The following WNT16 variants were observed in gnomAD, a reference collection of about 807,000 sequenced individuals.
The protein encoded by WNT16 is Wnt family member 16.
In WNT16, 20 loss-of-function variants were observed where a neutral mutation model predicts 35.4. The ratio of observed to expected loss-of-function variants is 0.56; its 90% CI spans 0.40 to 0.82. The LOEUF is 0.82. WNT16 is among the 40% of genes least tolerant of loss of function. The pLI is 0.00. For missense variants in WNT16, 461 were observed against 466.0 expected (o/e 0.99, Z 0.10); for synonymous variants, 180 against 179.2 (o/e 1.00, Z -0.03).
rs1354798490 is a variant in WNT16, at chr7:121,331,832, C to T, written c.501C>T (p.Gly167=). The change falls in exon 3 of 4, where the codon GGC becomes GGT. Residue 167 remains glycine, a synonymous_variant. Coordinates refer to ENST00000222462, the MANE Select transcript of WNT16 (RefSeq NM_057168.2). ...CAAGTGAAGGCTGGCACTGGGGGGG[C>T]TGCTCCGATGATGTCCAGTATGGCA... ...GSASEGWHWG[G]CSDDVQYGMW... is the part of the protein sequence containing the mutation. The T allele has an allele frequency of 6.2e-7, 1 of 1,614,128 alleles. No individual in the cohort carries two copies.
chr7:121,339,506 CT>C lies in WNT16; in HGVS notation c.*164del. ...TCCCTTACCTGATCGACATATTTTCCTTTATCTGATCAACCCATCAATCATG... is the reference window on the plus strand; with the variant it reads ...TCCCTTACCTGATCGACATATTTTCCTTATCTGATCAACCCATCAATCATG... On this transcript the variant is annotated 3_prime_UTR_variant, in exon 4 of 4. Transcript: ENST00000222462. 1.6e-6 allele frequency: 1 copy of C among 620,348 alleles called. No individual in the cohort carries two copies. Among genetic ancestry groups the C allele is most frequent in the Non-Finnish European group, 2.7e-6 (1 of 364,488 alleles). The allele number at this position is 620,348 out of a possible 1,614,324, so 38.4% of individuals were successfully genotyped here. A position where few individuals can be genotyped will look rare whatever the true frequency, so the allele number is the denominator to read the frequency against.
At chr7:121,334,711 A>G (rs3801387) in intron 3 of WNT16, among the ~76,000 whole-genome samples, 43,970 of 151,950 alleles carry the variant, frequency 0.29, 6,673 homozygotes, top group African/African-American at 0.37. Flanking sequence ...TTCTGACACC[A>G]TTCCTAAACT....
chr7:121,331,148 C>A (rs1793339637), intron 2 of WNT16, among the ~76,000 whole-genome samples: 1 of 152,152 alleles, frequency 6.6e-6, no homozygotes, highest in South Asian at 2.1e-4. Flanking sequence ...GTACCGTTTA[C>A]TAATTGCTTT....
At chr7:121,330,564 C>T (rs900034052) in intron 2 of WNT16, among the ~76,000 whole-genome samples, 3 of 152,088 alleles carry the variant, frequency 2.0e-5, no homozygotes, top group Non-Finnish European at 4.4e-5. Flanking sequence ...CTGAAGGATG[C>T]GCTGTCGTTT....
upstream of WNT16, among the ~76,000 whole-genome samples, chr7:121,328,251 G>A (rs1379623404): frequency 6.6e-6 from 1 of 152,176 alleles, no homozygotes; most frequent in Admixed American, 6.5e-5. Flanking sequence ...TAGGACTGGA[G>A]AAAAAGATCA....
At position 121,331,501 on chromosome 7, in the gene WNT16, C is replaced by T. The variant is rs1002998836; in HGVS notation, c.347-177C>T. On this transcript the variant is annotated intron_variant, in intron 2 of 3. Transcript: ENST00000222462. The stretch of plus-strand genomic sequence containing the variant: ...AGTGGAATACTGAAAATTAATGTTG[C>T]TTTTTAAGAGACTAGAACAAGAGCA... 1.8e-4 allele frequency among the ~76,000 whole-genome samples: 27 copies of T among 152,092 alleles called. 1 individual carries two copies. Among genetic ancestry groups the T allele is most frequent in the Non-Finnish European group, 2.9e-4 (20 of 68,010 alleles).
chr7:121,328,509 A>G (rs756750473), upstream of WNT16, among the ~76,000 whole-genome samples: 13 of 152,170 alleles, frequency 8.5e-5, no homozygotes, highest in African/African-American at 2.2e-4. Context: ...CCCACTCTCT[A>G]AAGTCTCCTG....
chr7:121,330,714 GAAAAAAAAAA>G (rs11371537), intron 2 of WNT16, among the ~76,000 whole-genome samples: 19 of 88,186 alleles, frequency 2.2e-4, no homozygotes, highest in African/African-American at 7.9e-4. Flanking sequence ...CCCGTAGAGA[GAAAAAAAAAA>G]AAAAAAAAAA....
chr7:121,336,553 GTAACAC>G (rs773824353), intron 3 of WNT16, among the ~76,000 whole-genome samples: 5 of 152,126 alleles, frequency 3.3e-5, no homozygotes, highest in Non-Finnish European at 4.4e-5. Context: ...CTTTCATAGA[GTAACAC>G]TATTGTGGAC....
chr7:121,326,501 T>C (rs540609741), upstream of WNT16, among the ~76,000 whole-genome samples: 1 of 152,316 alleles, frequency 6.6e-6, no homozygotes, highest in Non-Finnish European at 1.5e-5. Context: ...GAATACCCTC[T>C]GAGTGCACCC....
intron 3 of WNT16, among the ~76,000 whole-genome samples, chr7:121,336,823 A>G (rs1349754910): frequency 6.6e-6 from 1 of 152,188 alleles, no homozygotes; most frequent in Non-Finnish European, 1.5e-5. Flanking sequence ...GTGACTAATA[A>G]AAGAAAAAAT....
chr7:121,339,421 T>G lies in WNT16; in HGVS notation c.*76T>G. On this transcript the variant is annotated 3_prime_UTR_variant, in exon 4 of 4. Transcript: ENST00000222462. ...GCAACCAGAGAGGTGCCCATCCCTG[T>G]GCAGCGCTAGTAAAGTTGACTCTTG... The G allele has an allele frequency of 1.5e-6, 2 of 1,366,828 alleles. No homozygotes were observed. The highest frequency in any genetic ancestry group is 2.0e-6 in the Non-Finnish European group (2 of 999,448). The allele number at this position is 1,366,828 out of a possible 1,614,324, so 84.7% of individuals were successfully genotyped here. A position where few individuals can be genotyped will look rare whatever the true frequency, so the allele number is the denominator to read the frequency against.
chr7:121,329,204 T>G lies in WNT16; in HGVS notation c.-89T>G. On this transcript the variant is annotated 5_prime_UTR_variant, in exon 1 of 4. Transcript: ENST00000222462. The stretch of plus-strand genomic sequence containing the variant: ...AGGAAGAGGGCGAGGGATAACTTGG[T>G]GCTGGACAACTGACCTGCGGCCCGA... 1 of 1,450,706 alleles carries G rather than the reference T, an allele frequency of 6.9e-7. No homozygotes were observed. The highest frequency in any genetic ancestry group is 9.1e-7 in the Non-Finnish European group (1 of 1,104,278). The allele number at this position is 1,450,706 out of a possible 1,614,324, so 89.9% of individuals were successfully genotyped here.
Position 121,329,637 on chromosome 7 carries a change from C to T in WNT16, c.166C>T (p.Gln56Ter). The T allele has an allele frequency of 1.2e-6, 2 of 1,614,214 alleles. No homozygotes were observed. The highest frequency in any genetic ancestry group is 1.7e-6 in the Non-Finnish European group (2 of 1,180,030). ...GCANLPLNSR[Q>*]KELCKRKPYL... ...CGCCAATTTGCCGCTGAACAGCCGCCAGAAGGAGCTGTGCAAGAGGAAACC... is the reference window on the plus strand; with the variant it reads ...CGCCAATTTGCCGCTGAACAGCCGCTAGAAGGAGCTGTGCAAGAGGAAACC... Residue 56 changes from glutamine to a stop codon, truncating the protein, a stop_gained, in exon 2 of 4, where the codon CAG (glutamine) becomes TAG (stop). Transcript: ENST00000222462. LOFTEE classifies it high-confidence loss of function.
chr7:121,325,453 C>G, upstream of WNT16: 1 of 1,613,754 alleles, frequency 6.2e-7, no homozygotes, highest in Non-Finnish European at 8.5e-7. Flanking sequence ...ACCCTCTTCA[C>G]AGGGGCTTCT....
In WNT16 at chr7:121,339,461, G is replaced by A; in HGVS notation, c.*116G>A. The A allele has an allele frequency of 1.1e-6, 1 of 922,726 alleles. No homozygotes were observed. 57.2% of individuals were successfully genotyped at this position (922,726 alleles called of 1,614,324 possible). ...GTTGACTCTTGCAGTGGAATCCCTA[G>A]AACCTTGGACCTGAGAGTTTCCCTT... On this transcript the variant is annotated 3_prime_UTR_variant, in exon 4 of 4. Coordinates refer to ENST00000222462, the MANE Select transcript of WNT16 (RefSeq NM_057168.2).
chr7:121,328,650 A>G (rs1056233596), upstream of WNT16, among the ~76,000 whole-genome samples: 10 of 152,232 alleles, frequency 6.6e-5, no homozygotes, highest in Non-Finnish European at 1.5e-4. Context: ...CACTACACCC[A>G]GAGGGTAACC....
upstream of WNT16, among the ~76,000 whole-genome samples, chr7:121,326,904 A>G (rs908032838): frequency 1.3e-5 from 2 of 152,172 alleles, no homozygotes; most frequent in East Asian, 1.9e-4. Flanking sequence ...CCCACTTCCA[A>G]TTCCCCTTGA....
At chr7:121,325,742 G>T (rs1793235291), upstream of WNT16, among the ~76,000 whole-genome samples, 1 of 151,760 alleles carries the variant, frequency 6.6e-6, no homozygotes, top group Non-Finnish European at 1.5e-5. Context: ...ATGTTGTAGT[G>T]AAAAAAACAG....
Sources: allele counts gnomAD v4.1 joint callset (sites outside exome capture counted in the v4.1 genomes callset), GRCh38; gene constraint gnomAD v4.1.1; transcripts MANE v1.5; gene names NCBI Gene and HGNC (gene_info 2026-07-23, HGNC 2026-07-21).